The following ZNF735 variants were observed in gnomAD, a reference collection of about 807,000 sequenced individuals.
ZNF735 encodes the protein putative zinc finger protein 735.
A neutral mutation model predicts 13.4 loss-of-function variants in ZNF735; 11 were observed. The ratio of observed to expected loss-of-function variants is 0.82; its 90% CI spans 0.52 to 1.36. The LOEUF (loss-of-function observed/expected upper bound fraction) is 1.36. ZNF735 is among the 40% of genes most tolerant of loss of function. ZNF735 has a pLI of 0.00. For missense variants in ZNF735, 500 were observed against 484.6 expected, an observed-to-expected ratio of 1.03 and a Z score of -0.30; for synonymous variants, 171 against 162.6, an observed-to-expected ratio of 1.05 and a Z score of -0.39.
At position 64,207,589 on chromosome 7, in the gene ZNF735, G is replaced by GT. The variant is rs1299836428; in HGVS notation, c.39+349dup. On this transcript the variant is annotated intron_variant, in intron 1 of 3. Coordinates refer to ENST00000429565, the Ensembl canonical transcript of ZNF735. ...ACACAGGGTGCAGGATTCATAAGTG[G>GT]TAAGAGCTGTGGTCCCTGGGGTCCC... Among the ~76,000 whole-genome samples, 3 of 152,190 alleles carry GT rather than the reference G, an allele frequency of 2.0e-5. No homozygotes were observed. The East Asian group carries it at 5.8e-4, about 29-fold the overall frequency.
intron 1 of ZNF735, 25 bp from the exon 2 acceptor site, chr7:64,213,067 T>C: frequency 1.9e-6 from 3 of 1,598,422 alleles, no homozygotes; most frequent in South Asian, 1.1e-5. Context: ...TGTGTGTTCA[T>C]GAGGTTTTTC....
At position 64,207,329 on chromosome 7, in the gene ZNF735, G is replaced by A. The variant is rs914029103; in HGVS notation, c.39+88G>A. ...GCTGCAGCAGGACCCATACTTCCTC[G>A]CAGTCAGCTCCGGAGTCTGAGGACC... On this transcript the variant is annotated intron_variant, in intron 1 of 3. Coordinates refer to ENST00000429565, the Ensembl canonical transcript of ZNF735. 3.7e-6 allele frequency: 6 copies of A among 1,612,210 alleles called. No individual in the cohort carries two copies. The African/African-American group carries it at 4.0e-5, about 11-fold the overall frequency.
chr7:64,207,986 CA>C (rs111916875), intron 1 of ZNF735, among the ~76,000 whole-genome samples: 94 of 142,834 alleles, frequency 6.6e-4, no homozygotes, highest in African/African-American at 8.7e-4. Flanking sequence ...GACTCCACCT[CA>C]AAAAAAAAAA....
At chr7:64,214,075 A>G (rs747167543) in exon 3 of ZNF735, 3 of 1,600,748 alleles carry the variant, frequency 1.9e-6, no homozygotes, top group Non-Finnish European at 2.5e-6. Flanking sequence ...GCCCCAGAAT[A>G]TAAAGAGAAA....
intron 1 of ZNF735, among the ~76,000 whole-genome samples, chr7:64,209,970 GT>G (rs1787336975): frequency 6.6e-6 from 1 of 152,096 alleles, no homozygotes; most frequent in East Asian, 1.9e-4. Context: ...CATTTTGTAT[GT>G]TTTTTGTATT....
chr7:64,219,193 C>T (rs917107571), intron 3 of ZNF735, 121 bp from the exon 4 acceptor site: 26 of 1,220,348 alleles, frequency 2.1e-5, no homozygotes, highest in Non-Finnish European at 2.9e-5. Flanking sequence ...GAATTATGGC[C>T]TGTGGTATTT....
intron 1 of ZNF735, among the ~76,000 whole-genome samples, chr7:64,211,774 G>C (rs1374860363): frequency 6.6e-6 from 1 of 151,414 alleles, no homozygotes; most frequent in African/African-American, 2.4e-5. Flanking sequence ...GTTGAGGCAG[G>C]AGAATTGCTT....
chr7:64,212,664 A>ATG, intron 1 of ZNF735, among the ~76,000 whole-genome samples: 1 of 151,918 alleles, frequency 6.6e-6, no homozygotes, highest in African/African-American at 2.4e-5. Flanking sequence ...GTGGTGGCCC[A>ATG]TGCCTGTATT....
intron 3 of ZNF735, 116 bp from the exon 4 acceptor site, chr7:64,219,198 G>A: frequency 7.8e-7 from 1 of 1,280,278 alleles, no homozygotes; most frequent in Middle Eastern, 2.4e-4. Context: ...ATGGCCTGTG[G>A]TATTTTGATA....
At chr7:64,207,648 G>GA (rs1277388304) in intron 1 of ZNF735, among the ~76,000 whole-genome samples, 1 of 152,166 alleles carries the variant, frequency 6.6e-6, no homozygotes, top group Non-Finnish European at 1.5e-5. Flanking sequence ...AGATGTGTGG[G>GA]AGTCACTGTA....
chr7:64,209,092 T>G (rs74337492), intron 1 of ZNF735, among the ~76,000 whole-genome samples: 5,930 of 152,320 alleles, frequency 0.039, 184 homozygotes, highest in East Asian at 0.16. Flanking sequence ...CCAATTGTGG[T>G]ACTGGGAATG....
At chr7:64,214,436 T>C (rs1787395828) in intron 3 of ZNF735, among the ~76,000 whole-genome samples, 1 of 152,022 alleles carries the variant, frequency 6.6e-6, no homozygotes, top group Admixed American at 6.6e-5. Flanking sequence ...CACACTAATA[T>C]CTGCATATTT....
intron 1 of ZNF735, among the ~76,000 whole-genome samples, chr7:64,208,575 C>G (rs1787321368): frequency 1.3e-5 from 2 of 151,866 alleles, no homozygotes; most frequent in Non-Finnish European, 2.9e-5. Flanking sequence ...TTTCTTTTAC[C>G]TTTTATTTTA....
intron 1 of ZNF735, among the ~76,000 whole-genome samples, chr7:64,209,229 T>TG (rs1787328852): frequency 1.9e-5 from 1 of 52,308 alleles, no homozygotes; most frequent in African/African-American, 5.7e-5. Flanking sequence ...ATCTGTTCCG[T>TG]TTTTTTTTTT....
chr7:64,207,279 A>G (rs778021803), intron 1 of ZNF735, 38 bp downstream of exon 1: 7 of 1,614,144 alleles, frequency 4.3e-6, no homozygotes, highest in South Asian at 3.3e-5. Flanking sequence ...GAGGGGTGGG[A>G]GGTGGTTGGA....
rs189457541 is a variant in ZNF735, at chr7:64,207,790, C to A, written c.39+549C>A. ...GATCACGAGGTCAGGTGTTCGAGAC[C>A]AGCATGACCAACATGGTAAAACCCC... On this transcript the variant is annotated intron_variant, in intron 1 of 3. Transcript: ENST00000429565. 1.7e-4 allele frequency among the ~76,000 whole-genome samples: 26 copies of A among 152,244 alleles called. 1 individual carries two copies. The East Asian group carries it at 4.8e-3, about 28-fold the overall frequency.
intron 2 of ZNF735, among the ~76,000 whole-genome samples, 195 bp from the exon 3 acceptor site, chr7:64,213,818 G>C (rs1562832688): frequency 6.6e-6 from 1 of 152,014 alleles, no homozygotes; most frequent in African/African-American, 2.4e-5. Context: ...AATTAGCTGG[G>C]CGTGGTGGTA....
exon 4 of ZNF735, chr7:64,219,633 T>C: frequency 6.3e-7 from 1 of 1,578,982 alleles, no homozygotes; most frequent in Non-Finnish European, 8.6e-7. Flanking sequence ...GCAAATCATT[T>C]TGCATGTTTT....
At chr7:64,213,211 C>A in exon 2 of ZNF735, 1 of 1,603,424 alleles carries the variant, frequency 6.2e-7, no homozygotes, top group Middle Eastern at 1.7e-4. Flanking sequence ...GAAACCTGTT[C>A]TCCCTGGGTG....
Sources: gnomAD v4.1 joint callset for allele counts (sites outside exome capture counted in the v4.1 genomes callset) on GRCh38, gnomAD v4.1.1 for gene constraint, MANE v1.5 for transcripts, NCBI Gene and HGNC (gene_info 2026-07-23, HGNC 2026-07-21) for gene names.